The following DOCK1 variants were observed in gnomAD, a reference collection of about 807,000 sequenced individuals.
DOCK1 encodes the protein dedicator of cytokinesis protein 1.
Under a neutral mutation model 262.7 loss-of-function variants are expected in DOCK1, and 138 were observed. The ratio of observed to expected loss-of-function variants is 0.53; its 90% CI spans 0.46 to 0.61. The LOEUF is 0.61. DOCK1 is among the 20% of genes least tolerant of loss of function. The pLI, the probability that DOCK1 is intolerant of heterozygous loss-of-function variation, is 0.00. For missense variants in DOCK1, 1,908 were observed against 2,370.7 expected (o/e 0.80, Z 4.05); for synonymous variants, 866 against 867.4 (o/e 1.00, Z 0.03).
At chr10:127,142,346 C>G (rs1037475610) in intron 27 of DOCK1, among the ~76,000 whole-genome samples, 1 of 152,184 alleles carries the variant, frequency 6.6e-6, no homozygotes, top group African/African-American at 2.4e-5. Flanking sequence ...AGGCCTCACT[C>G]TCCAGCAGCT....
intron 26 of DOCK1, among the ~76,000 whole-genome samples, chr10:127,126,855 G>C (rs1889435): frequency 0.82 from 124,927 of 152,114 alleles, 51,999 homozygotes; most frequent in East Asian, 0.94. Flanking sequence ...CACCCACTCC[G>C]CTGTAGCCCT....
At chr10:127,060,881 A>C (rs921754375) in intron 22 of DOCK1, among the ~76,000 whole-genome samples, 7 of 152,210 alleles carry the variant, frequency 4.6e-5, no homozygotes, top group Non-Finnish European at 7.3e-5. Flanking sequence ...GATCATGGTA[A>C]ATTTAGGCAA....
At chr10:127,180,302 G>T (rs1449183386) in intron 27 of DOCK1, among the ~76,000 whole-genome samples, 1 of 152,200 alleles carries the variant, frequency 6.6e-6, no homozygotes. Flanking sequence ...GCTGCAATAG[G>T]ATTCTTCATG....
At chr10:127,073,571 G>A (rs995401832) in intron 23 of DOCK1, among the ~76,000 whole-genome samples, 1 of 152,162 alleles carries the variant, frequency 6.6e-6, no homozygotes, top group East Asian at 1.9e-4. Flanking sequence ...TCCATTTGAG[G>A]GAAAAGTGGC....
chr10:127,232,983 G>T lies in DOCK1; in HGVS notation c.2848-15025G>T, dbSNP rs74701729. 2.6e-5 allele frequency among the ~76,000 whole-genome samples: 4 copies of T among 152,254 alleles called. No individual in the cohort carries two copies. The East Asian group carries it at 7.7e-4, about 29-fold the overall frequency. On this transcript the variant is annotated intron_variant, in intron 27 of 51. Coordinates refer to ENST00000623213, the MANE Select transcript of DOCK1 (RefSeq NM_001290223.2). Reference sequence around the variant, plus strand: ...TCTGTTGCAAAGTGACTTTCAATTTGGCTCTTCACCATGTGACTGGTGATT... The same window carrying T: ...TCTGTTGCAAAGTGACTTTCAATTTTGCTCTTCACCATGTGACTGGTGATT...
chr10:127,347,860 TTCC>T (rs2063712748), intron 31 of DOCK1, among the ~76,000 whole-genome samples: 1 of 37,346 alleles, frequency 2.7e-5, no homozygotes, highest in Non-Finnish European at 5.5e-5. Context: ...TTCCCTTCCC[TTCC>T]CTTCCCTTCC....
chr10:127,318,837 G>A (rs979657552), intron 29 of DOCK1, among the ~76,000 whole-genome samples: 2 of 152,214 alleles, frequency 1.3e-5, no homozygotes, highest in Admixed American at 6.5e-5. Flanking sequence ...GAGACTATGA[G>A]TGTTATGAAT....
At chr10:127,432,950 G>A (rs929089759) in intron 47 of DOCK1, among the ~76,000 whole-genome samples, 7 of 152,110 alleles carry the variant, frequency 4.6e-5, no homozygotes, top group African/African-American at 1.2e-4. Context: ...CACTCTCTAG[G>A]TGTTACTCTA....
At chr10:126,989,072 C>CAA (rs5788816) in intron 5 of DOCK1, among the ~76,000 whole-genome samples, 10,729 of 128,852 alleles carry the variant, frequency 0.083, 1,238 homozygotes, top group African/African-American at 0.27. Context: ...GACCCCTTCT[C>CAA]AAAAAAAAAA....
At chr10:127,321,142 C>T (rs2135565006) in intron 29 of DOCK1, among the ~76,000 whole-genome samples, 1 of 152,156 alleles carries the variant, frequency 6.6e-6, no homozygotes, top group Non-Finnish European at 1.5e-5. Context: ...GCTTCCATGA[C>T]CCCGCGTCTT....
chr10:127,435,272 A>G (rs777173305), intron 48 of DOCK1, among the ~76,000 whole-genome samples: 1 of 152,102 alleles, frequency 6.6e-6, no homozygotes, highest in Non-Finnish European at 1.5e-5. Flanking sequence ...TGTGTGTCCA[A>G]TCCCATTTTG....
chr10:126,924,681 G>C (rs73382577), intron 1 of DOCK1, among the ~76,000 whole-genome samples: 18,645 of 152,236 alleles, frequency 0.12, 1,315 homozygotes, highest in African/African-American at 0.2. Flanking sequence ...TCATTTTGCA[G>C]TTTTCGTCTG....
intron 27 of DOCK1, among the ~76,000 whole-genome samples, chr10:127,200,312 A>G (rs2057394624): frequency 6.6e-6 from 1 of 152,234 alleles, no homozygotes; most frequent in Non-Finnish European, 1.5e-5. Context: ...CAGCCTAGGT[A>G]CAATACTCAT....
At chr10:126,930,324 G>T (rs945929432) in intron 1 of DOCK1, among the ~76,000 whole-genome samples, 1 of 152,210 alleles carries the variant, frequency 6.6e-6, no homozygotes, top group African/African-American at 2.4e-5. Flanking sequence ...CCTCGGAGTG[G>T]AATTGCGGGG....
At chr10:127,109,828 A>G (rs2048758316) in intron 24 of DOCK1, among the ~76,000 whole-genome samples, 1 of 151,836 alleles carries the variant, frequency 6.6e-6, no homozygotes, top group Non-Finnish European at 1.5e-5. Context: ...GGATTCATGG[A>G]CAAATTGTTG....
chr10:127,179,590 A>G (rs2055526221), intron 27 of DOCK1, among the ~76,000 whole-genome samples: 1 of 152,166 alleles, frequency 6.6e-6, no homozygotes, highest in African/African-American at 2.4e-5. Context: ...GACATTAAGA[A>G]TTACTAAGGT....
chr10:127,399,649 A>G (rs965584431), intron 38 of DOCK1, among the ~76,000 whole-genome samples: 3 of 151,818 alleles, frequency 2.0e-5, no homozygotes, highest in African/African-American at 7.3e-5. Flanking sequence ...CATTTAGGAT[A>G]AAAACAGATT....
intron 29 of DOCK1, among the ~76,000 whole-genome samples, chr10:127,295,368 C>T (rs2061470956): frequency 6.6e-6 from 1 of 152,132 alleles, no homozygotes; most frequent in Non-Finnish European, 1.5e-5. Flanking sequence ...AGACCTCACT[C>T]ATTGCCACAG....
intron 32 of DOCK1, among the ~76,000 whole-genome samples, chr10:127,355,464 G>A (rs918095249): frequency 1.6e-4 from 25 of 152,156 alleles, no homozygotes; most frequent in Admixed American, 3.3e-4. Context: ...CCTCGGGCTT[G>A]CTTTGTGCCG....
Sources: gnomAD v4.1 joint callset for allele counts (sites outside exome capture counted in the v4.1 genomes callset) on GRCh38, gnomAD v4.1.1 for gene constraint, MANE v1.5 for transcripts, NCBI Gene and HGNC (gene_info 2026-07-23, HGNC 2026-07-21) for gene names.